Variants in GSE1 observed in about 807,000 individuals in gnomAD.
GSE1 encodes Gse1 coiled-coil protein, also known as genetic suppressor element 1.
GSE1 carries 32 observed loss-of-function variants against 112.6 expected under a neutral mutation model. That is an observed-to-expected ratio of 0.28 (90% confidence interval 0.21 to 0.38). GSE1 has a LOEUF of 0.38. Among genes scored for constraint, GSE1 ranks in the 10% least tolerant of loss-of-function variants. The pLI, the probability that GSE1 is intolerant of heterozygous loss-of-function variation, is 1.00. For missense variants in GSE1, 2,348 were observed against 1,699.2 expected (o/e 1.38, Z -6.71); for synonymous variants, 1,115 against 735.6 (o/e 1.52, Z -8.35).
At chr16:85,587,179 C>CA (rs1290899253) in intron 1 of GSE1, among the ~76,000 whole-genome samples, 5 of 150,906 alleles carry the variant, frequency 3.3e-5, no homozygotes, top group African/African-American at 9.7e-5. Flanking sequence ...CCCCCCCCCC[C>CA]CCAGACCAGA....
intron 1 of GSE1, among the ~76,000 whole-genome samples, chr16:85,606,242 T>C (rs1411748269): frequency 2.6e-5 from 4 of 152,150 alleles, no homozygotes; most frequent in Non-Finnish European, 5.9e-5. Flanking sequence ...ATGTTGACAG[T>C]AGGAAAATTT....
In GSE1 at chr16:85,183,757, A is replaced by T. The variant is rs534871513; in HGVS notation, c.2283+11950A>T. ...AGAGGTGATTATCCCCATTTTACAG[A>T]TGTACAGGCTGAGGCTCAGAGAGGT... is the stretch of plus-strand genomic sequence containing the variant. On this transcript the variant is annotated intron_variant, in intron 1 of 2. Transcript: ENST00000637419. 2.6e-5 allele frequency among the ~76,000 whole-genome samples: 4 copies of T among 152,276 alleles called. No homozygotes were observed. The South Asian group carries it at 8.3e-4, about 32-fold the overall frequency.
chr16:85,335,417 A>T (rs142465712), intron 1 of GSE1, among the ~76,000 whole-genome samples: 39 of 152,330 alleles, frequency 2.6e-4, no homozygotes, highest in African/African-American at 8.9e-4. Context: ...ATCCAGCAGG[A>T]ATGAGTAATT....
At chr16:85,294,675 C>T (rs559141544) in intron 1 of GSE1, among the ~76,000 whole-genome samples, 2 of 145,104 alleles carry the variant, frequency 1.4e-5, no homozygotes, top group Admixed American at 1.4e-4. Context: ...CTCTCTCCCC[C>T]CCCTTCCCTC....
intron 1 of GSE1, among the ~76,000 whole-genome samples, chr16:85,629,768 C>T (rs2049387407): frequency 1.3e-5 from 2 of 152,274 alleles, no homozygotes; most frequent in Middle Eastern, 3.4e-3. Flanking sequence ...GGTGAAGATG[C>T]AGAGTCTCTG....
upstream of GSE1, chr16:85,555,955 C>CT (rs1274154780): frequency 3.9e-5 from 38 of 982,928 alleles, no homozygotes; most frequent in Middle Eastern, 5.2e-4. Flanking sequence ...CTCCCCCCTC[C>CT]TTTTTTTTAT....
chr16:85,367,773 G>C (rs979928490), intron 2 of GSE1, among the ~76,000 whole-genome samples: 1 of 152,054 alleles, frequency 6.6e-6, no homozygotes, highest in Non-Finnish European at 1.5e-5. Context: ...TTGAGTGAAT[G>C]TGAGCTTTTT....
intron 2 of GSE1, among the ~76,000 whole-genome samples, chr16:85,539,891 A>C (rs1348219124): frequency 6.6e-6 from 1 of 152,198 alleles, no homozygotes; most frequent in Non-Finnish European, 1.5e-5. Context: ...GCAGGGAACA[A>C]AGGAGAGTCC....
intron 1 of GSE1, among the ~76,000 whole-genome samples, chr16:85,291,487 C>T (rs188164231): frequency 4.6e-5 from 7 of 152,250 alleles, no homozygotes; most frequent in African/African-American, 7.2e-5. Flanking sequence ...CCCCGGCCCC[C>T]GCGTGAGCCC....
intron 1 of GSE1, among the ~76,000 whole-genome samples, chr16:85,340,527 G>A (rs184140695): frequency 1.3e-5 from 2 of 152,274 alleles, no homozygotes; most frequent in African/African-American, 4.8e-5. Context: ...TGTAATCCCA[G>A]ACACTCGGGA....
chr16:85,419,932 G>A lies in GSE1; in HGVS notation c.2464+62289G>A, dbSNP rs902409331. ...TGGAACAGAACTGAGGGACAGCAGG[G>A]GCAAAGTCTGAGCTAGGAAGGCCCC... On this transcript the variant is annotated intron_variant, in intron 2 of 2. Transcript: ENST00000637419. This position sits in a 1 kb window ranked among gnomAD's most constrained non-coding sequence, Gnocchi z 6.5. 6.6e-6 allele frequency among the ~76,000 whole-genome samples: 1 copy of A among 152,214 alleles called. No individual in the cohort carries two copies. Among genetic ancestry groups the A allele is most frequent in the Admixed American group, 6.5e-5 (1 of 15,288 alleles).
chr16:85,600,041 C>T (rs1054499494), intron 1 of GSE1, among the ~76,000 whole-genome samples: 2 of 152,206 alleles, frequency 1.3e-5, no homozygotes, highest in African/African-American at 4.8e-5. Context: ...CCTGGCTACC[C>T]CTCTGGGTCT....
intron 1 of GSE1, among the ~76,000 whole-genome samples, chr16:85,305,385 A>T (rs1338194629): frequency 6.6e-6 from 1 of 152,190 alleles, no homozygotes; most frequent in South Asian, 2.1e-4. Flanking sequence ...CCTGGGCCCA[A>T]GTGATCCCCC....
At chr16:85,221,824 G>A (rs1328610983) in intron 1 of GSE1, among the ~76,000 whole-genome samples, 1 of 152,184 alleles carries the variant, frequency 6.6e-6, no homozygotes, top group Non-Finnish European at 1.5e-5. Context: ...ACCCCTTGCC[G>A]GGGCTGGGGG....
At chr16:85,273,177 G>A in intron 1 of GSE1, among the ~76,000 whole-genome samples, 1 of 152,368 alleles carries the variant, frequency 6.6e-6, no homozygotes, top group Non-Finnish European at 1.5e-5. Flanking sequence ...CCAACTACTT[G>A]GCCTCTCCGG....
chr16:85,635,569 G>A (rs377217439), intron 2 of GSE1, among the ~76,000 whole-genome samples: 39 of 152,294 alleles, frequency 2.6e-4, no homozygotes, highest in African/African-American at 8.2e-4. Flanking sequence ...GCTTGGAGTC[G>A]AGACTCGGGC....
At chr16:85,407,246 A>C (rs1343594173) in intron 2 of GSE1, among the ~76,000 whole-genome samples, 2 of 45,376 alleles carry the variant, frequency 4.4e-5, no homozygotes, top group Non-Finnish European at 8.1e-5. Flanking sequence ...CCCCCGGATA[A>C]TCCTCGCTGT....
intron 2 of GSE1, among the ~76,000 whole-genome samples, chr16:85,433,371 C>T (rs1453460282): frequency 6.6e-6 from 1 of 152,116 alleles, no homozygotes; most frequent in Admixed American, 6.6e-5. Context: ...GACTTCAATC[C>T]TTTACTTTCC....
intron 1 of GSE1, among the ~76,000 whole-genome samples, chr16:85,182,683 C>T (rs1043607500): frequency 6.6e-6 from 1 of 152,160 alleles, no homozygotes; most frequent in Admixed American, 6.5e-5. Flanking sequence ...CCAGGCCTGT[C>T]TTTAGGGTTT....
Sources: allele counts gnomAD v4.1 joint callset (sites outside exome capture counted in the v4.1 genomes callset), GRCh38; gene constraint gnomAD v4.1.1; non-coding constraint Gnocchi (gnomAD v3.1); transcripts MANE v1.5; gene names NCBI Gene and HGNC (gene_info 2026-07-23, HGNC 2026-07-21).